Variants in PTPN11 observed in about 807,000 individuals in gnomAD.
PTPN11 encodes the protein tyrosine-protein phosphatase non-receptor type 11.
Under a neutral mutation model 78.8 loss-of-function variants are expected in PTPN11, and 6 were observed. The ratio of observed to expected loss-of-function variants is 0.08; its 90% confidence interval spans 0.04 to 0.15. The LOEUF (loss-of-function observed/expected upper bound fraction) is 0.15, where lower values mean the gene tolerates loss of function less well. Ranked by LOEUF, PTPN11 falls within the 10% of genes least tolerant of loss-of-function variation. PTPN11 has a pLI of 1.00. For synonymous variants in PTPN11, 221 were observed against 263.5 expected (o/e 0.84, Z 1.56); for missense variants, 386 against 744.8 (o/e 0.52, Z 5.61).
At chr12:112,450,702 A>G (rs936748485) in intron 3 of PTPN11, among the ~76,000 whole-genome samples, 190 bp downstream of exon 3, 1 of 152,178 alleles carries the variant, frequency 6.6e-6, no homozygotes, top group African/African-American at 2.4e-5. Context: ...TTTTCCTGCA[A>G]AAGTTTTAAT....
intron 13 of PTPN11, among the ~76,000 whole-genome samples, chr12:112,494,063 G>A (rs985870588): frequency 6.6e-6 from 1 of 152,138 alleles, no homozygotes; most frequent in Non-Finnish European, 1.5e-5. Flanking sequence ...GACCAGCCTG[G>A]CCAACATGGT....
In PTPN11 at chr12:112,486,639, C is replaced by T. The variant is rs1246562236; in HGVS notation, c.1379+10C>T. 2.5e-6 allele frequency: 4 copies of T among 1,611,948 alleles called. No individual in the cohort carries two copies. Among genetic ancestry groups the T allele is most frequent in the Non-Finnish European group, 3.4e-6 (4 of 1,179,894 alleles). On this transcript the variant is annotated intron_variant, in intron 11 of 15. Coordinates refer to ENST00000351677, the MANE Select transcript of PTPN11 (RefSeq NM_002834.5). ...TCGTGGTGCACTGCAGGTGACAGCT[C>T]CTGCTGCCCCTCTAGGCCACAGCCT... is the stretch of plus-strand genomic sequence containing the variant.
At position 112,419,030 on chromosome 12, in the gene PTPN11, C is replaced by T; in HGVS notation, c.-82C>T. On this transcript the variant is annotated 5_prime_UTR_variant, in exon 1 of 16. Transcript: ENST00000351677. ...CGCGTCCGGTCCCGAGCGGGCCTCC[C>T]TCGGGCCAGCCCGATGTGACCGAGC... 1 of 1,522,274 alleles carries T rather than the reference C, an allele frequency of 6.6e-7. No individual in the cohort carries two copies. The highest frequency in any genetic ancestry group is 8.8e-7 in the Non-Finnish European group (1 of 1,135,590). The allele number at this position is 1,522,274 out of a possible 1,614,324, so 94.3% of individuals were successfully genotyped here.
rs116028809 is a variant in PTPN11 at position 112,497,260 on chromosome 12, G to A, written c.1600-4884G>A. Among the ~76,000 whole-genome samples the A allele has an allele frequency of 7.8e-3, 1,184 of 152,062 alleles. 15 individuals carry two copies. Among genetic ancestry groups the A allele is most frequent in the African/African-American group, 0.026 (1,091 of 41,488 alleles). ...AGGCTGAATCTGAGTTGTTGCAACA[G>A]TAAACGAGCAAGATTTAAACTGGCC... On this transcript the variant is annotated intron_variant, in intron 13 of 15. Coordinates refer to ENST00000351677, the MANE Select transcript of PTPN11 (RefSeq NM_002834.5).
intron 1 of PTPN11, among the ~76,000 whole-genome samples, chr12:112,437,701 T>G (rs1037415324): frequency 6.6e-6 from 1 of 152,186 alleles, no homozygotes; most frequent in South Asian, 2.1e-4. Flanking sequence ...TACTCAGGAA[T>G]GATTTTAAGA....
At chr12:112,425,224 G>A (rs990427482) in intron 1 of PTPN11, among the ~76,000 whole-genome samples, 3 of 152,008 alleles carry the variant, frequency 2.0e-5, no homozygotes, top group Non-Finnish European at 4.4e-5. Flanking sequence ...CAAAATATTG[G>A]AGACAACTGA....
intron 1 of PTPN11, among the ~76,000 whole-genome samples, chr12:112,420,351 CT>C (rs760426760): frequency 7.4e-4 from 108 of 145,274 alleles, no homozygotes; most frequent in Admixed American, 6.9e-4. Context: ...TTCTTTTTTT[CT>C]TTTTTTTTTT....
intron 14 of PTPN11, 95 bp downstream of exon 14, chr12:112,502,351 C>G: frequency 1.0e-6 from 1 of 998,206 alleles, no homozygotes; most frequent in Non-Finnish European, 1.6e-6. Flanking sequence ...GTTTGTAGCA[C>G]ATGCCTTTCA....
At chr12:112,505,068 A>G (rs1286987003) in intron 15 of PTPN11, among the ~76,000 whole-genome samples, 2 of 152,206 alleles carry the variant, frequency 1.3e-5, no homozygotes, top group South Asian at 2.1e-4. Flanking sequence ...GAGTGCAGGT[A>G]TCACTGTTCC....
At chr12:112,492,330 C>T (rs1259428502) in intron 13 of PTPN11, among the ~76,000 whole-genome samples, 3 of 152,136 alleles carry the variant, frequency 2.0e-5, no homozygotes, top group Non-Finnish European at 2.9e-5. Flanking sequence ...TTGAGCAAAA[C>T]GTAGCTGGGA....
intron 14 of PTPN11, among the ~76,000 whole-genome samples, chr12:112,503,276 T>G (rs1177848543): frequency 2.0e-5 from 3 of 152,242 alleles, no homozygotes; most frequent in Non-Finnish European, 4.4e-5. Flanking sequence ...GGAAAGCATT[T>G]GTCAAATTGA....
rs560184236 is a variant in PTPN11 at position 112,453,146 on chromosome 12, A to G, written c.333-49A>G. ...TACAGTAGTTTTGTGAAAGAACAAC[A>G]TGAACCCATAGTAGAGCTAAATTCT... On this transcript the variant is annotated intron_variant, in intron 3 of 15. Coordinates refer to ENST00000351677, the MANE Select transcript of PTPN11 (RefSeq NM_002834.5). 1.3e-6 allele frequency: 2 copies of G among 1,510,106 alleles called. 1 individual carries two copies. The highest frequency in any genetic ancestry group is 4.7e-4 in the Middle Eastern group (2 of 4,218). The allele number at this position is 1,510,106 out of a possible 1,614,324, so 93.5% of individuals were successfully genotyped here.
rs1360914061 is a variant in PTPN11, at chr12:112,502,271, A to T, written c.1712+15A>T. The T allele has an allele frequency of 1.3e-6, 2 of 1,596,244 alleles. No homozygotes were observed. The highest frequency in any genetic ancestry group is 4.5e-5 in the East Asian group (2 of 44,826). Reference sequence around the variant, plus strand: ...CCCTGTGCAGAGTAAGTAGTGCTGAAGGAAATTCTTTTTACCTGGTCATGG... The same window carrying T: ...CCCTGTGCAGAGTAAGTAGTGCTGATGGAAATTCTTTTTACCTGGTCATGG... On this transcript the variant is annotated intron_variant, in intron 14 of 15. Coordinates refer to ENST00000351677, the MANE Select transcript of PTPN11 (RefSeq NM_002834.5).
At chr12:112,448,218 C>CTT (rs1195467615) in intron 2 of PTPN11, among the ~76,000 whole-genome samples, 1 of 141,708 alleles carries the variant, frequency 7.1e-6, no homozygotes. Flanking sequence ...TTCTTTTTTT[C>CTT]TTTTTTTTTT....
chr12:112,474,738 G>A (rs1181445613), intron 7 of PTPN11, among the ~76,000 whole-genome samples: 1 of 152,084 alleles, frequency 6.6e-6, no homozygotes, highest in Non-Finnish European at 1.5e-5. Context: ...ACCCCAGCCT[G>A]CAATGTAGCT....
chr12:112,467,914 T>C (rs2038355472), intron 6 of PTPN11, among the ~76,000 whole-genome samples: 1 of 152,118 alleles, frequency 6.6e-6, no homozygotes, highest in South Asian at 2.1e-4. Flanking sequence ...CCTCCAACAC[T>C]GGAGGTCATA....
intron 1 of PTPN11, 112 bp downstream of exon 1, chr12:112,419,237 C>A: frequency 2.5e-6 from 3 of 1,189,310 alleles, no homozygotes; most frequent in East Asian, 3.3e-5. Context: ...CGCCCCGGGT[C>A]GGGGTTGGGG....
intron 13 of PTPN11, among the ~76,000 whole-genome samples, chr12:112,496,795 A>G (rs1476198413): frequency 1.3e-5 from 2 of 152,238 alleles, no homozygotes; most frequent in African/African-American, 2.4e-5. Flanking sequence ...AAGGAAATAC[A>G]TACAACACAG....
At chr12:112,487,228 G>A (rs958400229) in intron 11 of PTPN11, among the ~76,000 whole-genome samples, 3 of 151,324 alleles carry the variant, frequency 2.0e-5, no homozygotes, top group Non-Finnish European at 2.9e-5. Context: ...TCCGCCTCCC[G>A]GGTTCAGGCC....
Sources: allele counts gnomAD v4.1 joint callset (sites outside exome capture counted in the v4.1 genomes callset), GRCh38; gene constraint gnomAD v4.1.1; transcripts MANE v1.5; gene names NCBI Gene and HGNC (gene_info 2026-07-23, HGNC 2026-07-21).